CYSLTR1: variants seen among roughly 807,000 people sequenced by gnomAD.
CYSLTR1 encodes G-protein coupled receptor HG55.
A neutral mutation model predicts 2.1 loss-of-function variants in CYSLTR1; 1 was observed. That is an observed-to-expected ratio of 0.48 (90% confidence interval 0.17 to 2.28). CYSLTR1 has a LOEUF of 2.28. Ranked by LOEUF, CYSLTR1 falls within the 30% of genes most tolerant of loss-of-function variation. The pLI is 0.26. For synonymous variants in CYSLTR1, 110 were observed against 89.6 expected (o/e 1.23, Z -1.28); for missense variants, 299 against 250.1 (o/e 1.20, Z -1.32).
intron 1 of CYSLTR1, among the ~76,000 whole-genome samples, chrX:78,316,989 A>C (rs1923442845): frequency 8.9e-6 from 1 of 112,372 alleles, no homozygotes; most frequent in African/African-American, 3.2e-5. Flanking sequence ...TAGATGAGAC[A>C]AATTTAAACT....
rs1223449822 is a variant in CYSLTR1 at position 78,308,891 on chromosome X, C to T, written c.-115+18414G>A. The stretch of plus-strand genomic sequence containing the variant: ...TGGCAGGGATTATGTGTGAGGATGA[C>T]ACCTGATCTGTGTTTCCCTGGGAGA... On this transcript the variant is annotated intron_variant, in intron 1 of 2. Coordinates refer to ENST00000373304, the MANE Select transcript of CYSLTR1 (RefSeq NM_006639.4). Among the ~76,000 whole-genome samples, 5 of 111,112 alleles carry T rather than the reference C, an allele frequency of 4.5e-5. No homozygotes were observed. In the Admixed American group the frequency reaches 4.8e-4, roughly 11 times the overall value.
At chrX:78,290,492 C>T (rs2147258282) in intron 1 of CYSLTR1, among the ~76,000 whole-genome samples, 1 of 111,703 alleles carries the variant, frequency 9.0e-6, no homozygotes, top group African/African-American at 3.3e-5. Context: ...TTTTCCAATT[C>T]TGTGAAGAAA....
chrX:78,314,433 A>G (rs758476144), intron 1 of CYSLTR1, among the ~76,000 whole-genome samples: 1 of 111,925 alleles, frequency 8.9e-6, no homozygotes, highest in East Asian at 2.8e-4. Context: ...ACTAGCTACA[A>G]AAAAATCACC....
chrX:78,314,230 G>A (rs895797174), intron 1 of CYSLTR1, among the ~76,000 whole-genome samples: 4 of 111,997 alleles, frequency 3.6e-5, no homozygotes, highest in African/African-American at 1.3e-4. Context: ...TTCTCAGGAT[G>A]TTAGAACCTT....
At position 78,281,370 on chromosome X, in the gene CYSLTR1, T is replaced by C. The variant is rs750724749; in HGVS notation, c.-28+2084A>G. ...CAACCTCCGCCTCCCAGGTTCAAGC[T>C]ATTCTCCCACCTCAGCCTCCCGAGT... On this transcript the variant is annotated intron_variant, in intron 2 of 2. Transcript: ENST00000373304. 1.2e-3 allele frequency among the ~76,000 whole-genome samples: 134 copies of C among 110,390 alleles called. No individual in the cohort carries two copies. In the Middle Eastern group the frequency reaches 0.014, roughly 11 times the overall value.
At chrX:78,279,749 T>C (rs1921751061) in intron 2 of CYSLTR1, among the ~76,000 whole-genome samples, 1 of 112,292 alleles carries the variant, frequency 8.9e-6, no homozygotes, top group African/African-American at 3.2e-5. Flanking sequence ...TATACACTAT[T>C]TGATACTAGG....
At chrX:78,279,897 G>A (rs1454803673) in intron 2 of CYSLTR1, among the ~76,000 whole-genome samples, 1 of 111,306 alleles carries the variant, frequency 9.0e-6, no homozygotes, top group East Asian at 2.8e-4. Flanking sequence ...CTAAACATTG[G>A]GTATATATGG....
At chrX:78,281,420 G>A (rs1305821385) in intron 2 of CYSLTR1, among the ~76,000 whole-genome samples, 1 of 110,244 alleles carries the variant, frequency 9.1e-6, no homozygotes, top group Non-Finnish European at 1.9e-5. Flanking sequence ...ACAGGCGTGT[G>A]CCATCACGCC....
intron 1 of CYSLTR1, among the ~76,000 whole-genome samples, chrX:78,317,075 A>C (rs1923445725): frequency 8.9e-6 from 1 of 112,532 alleles, no homozygotes; most frequent in Non-Finnish European, 1.9e-5. Flanking sequence ...AAATATTTGC[A>C]AACTATGCAT....
At chrX:78,302,322 T>A (rs1190508356) in intron 1 of CYSLTR1, among the ~76,000 whole-genome samples, 1 of 112,188 alleles carries the variant, frequency 8.9e-6, no homozygotes, top group Admixed American at 9.4e-5. Context: ...GGCTCCCCTC[T>A]GGCCCAGGGA....
intron 1 of CYSLTR1, among the ~76,000 whole-genome samples, chrX:78,295,011 A>G (rs1481694797): frequency 8.9e-6 from 1 of 112,055 alleles, no homozygotes; most frequent in Non-Finnish European, 1.9e-5. Context: ...AGTCCCAATG[A>G]GATGAAACAG....
chrX:78,278,228 A>G (rs1921684380), intron 2 of CYSLTR1, among the ~76,000 whole-genome samples: 1 of 111,969 alleles, frequency 8.9e-6, no homozygotes, highest in African/African-American at 3.2e-5. Flanking sequence ...AAAAATAAGG[A>G]AAAACATAAA....
intron 2 of CYSLTR1, among the ~76,000 whole-genome samples, chrX:78,278,762 T>C (rs1921711604): frequency 8.9e-6 from 1 of 112,002 alleles, no homozygotes; most frequent in African/African-American, 3.2e-5. Context: ...AACAGACACA[T>C]GGACCAATGA....
rs760911761 is a variant in CYSLTR1, at chrX:78,273,390, A to G, written c.357T>C (p.Phe119=). ...GAAAAACAATTGCAATGCACCGGAA[A>G]AAGCTCATGGCTGTCATAAAGAAGA... ...CSIFFMTAMS[F]FRCIAIVFPV... The change falls in exon 3 of 3, where the codon TTT becomes TTC. Residue 119 remains phenylalanine (F), a synonymous_variant. Coordinates refer to ENST00000373304, the MANE Select transcript of CYSLTR1 (RefSeq NM_006639.4). 7 of 1,209,764 alleles carry G rather than the reference A, an allele frequency of 5.8e-6. No homozygotes were observed. In the East Asian group the frequency reaches 2.1e-4, roughly 36 times the overall value.
rs1238619675 is a variant in CYSLTR1, at chrX:78,271,708, C to T, written c.*1025G>A. ...GTAATAAAGCAATAATAAAACTTAT[C>T]GTGAACTTTCACCCATAATGCATAT... On this transcript the variant is annotated 3_prime_UTR_variant, in exon 3 of 3. Transcript: ENST00000373304. The T allele has an allele frequency of 4.5e-5, 5 of 111,732 alleles. No homozygotes were observed. Among genetic ancestry groups the T allele is most frequent in the Non-Finnish European group, 7.5e-5 (4 of 53,145 alleles). 9.2% of individuals were successfully genotyped at this position (111,732 alleles called of 1,213,427 possible).
chrX:78,312,143 A>G (rs1269210165), intron 1 of CYSLTR1, among the ~76,000 whole-genome samples: 1 of 111,364 alleles, frequency 9.0e-6, no homozygotes, highest in Non-Finnish European at 1.9e-5. Context: ...ACATACACCA[A>G]TGGAACACAA....
chrX:78,279,051 C>A (rs1432589120), intron 2 of CYSLTR1, among the ~76,000 whole-genome samples: 1 of 111,780 alleles, frequency 8.9e-6, no homozygotes, highest in Non-Finnish European at 1.9e-5. Context: ...TAGTACCTAC[C>A]AAAGATTTCA....
chrX:78,282,647 T>A (rs1246532788), intron 2 of CYSLTR1, among the ~76,000 whole-genome samples: 1 of 111,874 alleles, frequency 8.9e-6, no homozygotes, highest in Non-Finnish European at 1.9e-5. Flanking sequence ...ATGCTTGTAA[T>A]CCTGGCTACT....
chrX:78,302,192 C>A (rs983646954), intron 1 of CYSLTR1, among the ~76,000 whole-genome samples: 2 of 112,060 alleles, frequency 1.8e-5, no homozygotes, highest in Non-Finnish European at 3.8e-5. Flanking sequence ...ATGGTCACTG[C>A]CACCTCAAGC....
Sources: gnomAD v4.1 joint callset for allele counts (sites outside exome capture counted in the v4.1 genomes callset) on GRCh38, gnomAD v4.1.1 for gene constraint, MANE v1.5 for transcripts, NCBI Gene and HGNC (gene_info 2026-07-23, HGNC 2026-07-21) for gene names.